The following GALNTL6 variants were observed in gnomAD, a reference collection of about 807,000 sequenced individuals.
The protein encoded by GALNTL6 is polypeptide N-acetylgalactosaminyltransferase like 6, also known as polypeptide N-acetylgalactosaminyltransferase-like 6.
GALNTL6 carries 46 observed loss-of-function variants against 73.7 expected under a neutral mutation model. The ratio of observed to expected loss-of-function variants is 0.62; its 90% confidence interval spans 0.49 to 0.80. GALNTL6 has a LOEUF of 0.80. Among genes scored for constraint, GALNTL6 ranks in the 30% least tolerant of loss-of-function variants. The pLI is 0.00. For synonymous variants in GALNTL6, 259 were observed against 263.7 expected, an observed-to-expected ratio of 0.98 and a Z score of 0.17; for missense variants, 604 against 755.0, an observed-to-expected ratio of 0.80 and a Z score of 2.34.
At chr4:171,818,560 G>T (rs1734588126) in intron 2 of GALNTL6, among the ~76,000 whole-genome samples, 1 of 144,570 alleles carries the variant, frequency 6.9e-6, no homozygotes, top group Admixed American at 7.0e-5. Flanking sequence ...TATTGTCCTA[G>T]ATTTTCTACC....
intron 2 of GALNTL6, among the ~76,000 whole-genome samples, chr4:171,865,244 G>C (rs956341507): frequency 6.6e-6 from 1 of 152,140 alleles, no homozygotes; most frequent in African/African-American, 2.4e-5. Context: ...GTTTCTATGA[G>C]TCAAGAAATG....
chr4:172,612,167 A>T, intron 5 of GALNTL6, among the ~76,000 whole-genome samples: 1 of 152,084 alleles, frequency 6.6e-6, no homozygotes. Context: ...GGAAGATAGC[A>T]GGAAGAATTT....
At chr4:171,986,715 T>G (rs1740103076) in intron 2 of GALNTL6, among the ~76,000 whole-genome samples, 1 of 152,204 alleles carries the variant, frequency 6.6e-6, no homozygotes. Flanking sequence ...GGTGATGGCC[T>G]GGATACCGTT....
At chr4:172,424,297 C>T (rs1338895037) in intron 5 of GALNTL6, among the ~76,000 whole-genome samples, 4 of 151,960 alleles carry the variant, frequency 2.6e-5, no homozygotes, top group African/African-American at 9.7e-5. Flanking sequence ...TTTTACATAT[C>T]ATGAGACTTT....
intron 2 of GALNTL6, among the ~76,000 whole-genome samples, chr4:172,045,387 A>C (rs1246634601): frequency 6.6e-6 from 1 of 152,076 alleles, no homozygotes; most frequent in African/African-American, 2.4e-5. Context: ...TTATATATTT[A>C]AAAATCAATA....
At chr4:172,852,670 G>A (rs571617043) in intron 7 of GALNTL6, among the ~76,000 whole-genome samples, 7 of 152,132 alleles carry the variant, frequency 4.6e-5, no homozygotes, top group South Asian at 4.2e-4. Context: ...ACTGTTTTCC[G>A]GAAAGGCAAG....
At chr4:172,606,411 G>A (rs1485487932) in intron 5 of GALNTL6, among the ~76,000 whole-genome samples, 3 of 148,220 alleles carry the variant, frequency 2.0e-5, no homozygotes, top group South Asian at 2.1e-4. Flanking sequence ...CCAAAATCGC[G>A]CCATTGCATT....
Position 172,813,688 on chromosome 4 carries a change from A to G in GALNTL6, c.888A>G (p.Pro296=). ...ACTACAAAAGAATCCCCATCCCTCCAGAGCTCCAGAGGGCAGATCCCAGCG... is the reference window on the plus strand; with the variant it reads ...ACTACAAAAGAATCCCCATCCCTCCGGAGCTCCAGAGGGCAGATCCCAGCG... ...EMYYKRIPIP[P]ELQRADPSDP... The change falls in exon 7 of 13, where the codon CCA becomes CCG. Residue 296 remains proline (P), a synonymous_variant. Transcript: ENST00000506823. The G allele has an allele frequency of 1.2e-6, 2 of 1,611,124 alleles. No homozygotes were observed. Among genetic ancestry groups the G allele is most frequent in the Non-Finnish European group, 1.7e-6 (2 of 1,177,742 alleles).
chr4:172,531,887 C>G (rs1217104807), intron 5 of GALNTL6, among the ~76,000 whole-genome samples: 1 of 152,188 alleles, frequency 6.6e-6, no homozygotes, highest in Non-Finnish European at 1.5e-5. Flanking sequence ...AGGTGCCCCA[C>G]GCATGGTCCA....
intron 8 of GALNTL6, among the ~76,000 whole-genome samples, chr4:172,923,453 C>A (rs975107654): frequency 4.6e-5 from 7 of 152,018 alleles, no homozygotes; most frequent in Admixed American, 3.9e-4. Context: ...GTGGGAGCTA[C>A]AATTCAAGAT....
intron 2 of GALNTL6, among the ~76,000 whole-genome samples, chr4:172,186,402 GC>G (rs1224496814): frequency 6.6e-6 from 1 of 152,072 alleles, no homozygotes; most frequent in African/African-American, 2.4e-5. Context: ...TTACCATATG[GC>G]CCAGGAATTT....
intron 10 of GALNTL6, among the ~76,000 whole-genome samples, chr4:172,961,185 T>C (rs1329226731): frequency 8.7e-6 from 1 of 114,548 alleles, no homozygotes; most frequent in African/African-American, 3.6e-5. Context: ...GGGTGGGGGG[T>C]GCTTGCCCTC....
chr4:171,996,220 T>A (rs1740479435), intron 2 of GALNTL6, among the ~76,000 whole-genome samples: 1 of 152,300 alleles, frequency 6.6e-6, no homozygotes, highest in South Asian at 2.1e-4. Context: ...ATTTGGTATA[T>A]GGAAAATTCT....
At chr4:172,302,793 T>A (rs1167825056) in intron 3 of GALNTL6, among the ~76,000 whole-genome samples, 1 of 152,136 alleles carries the variant, frequency 6.6e-6, no homozygotes, top group Non-Finnish European at 1.5e-5. Flanking sequence ...AATTTCTTCT[T>A]GTTAATCTTG....
intron 5 of GALNTL6, among the ~76,000 whole-genome samples, chr4:172,493,496 G>A (rs974819290): frequency 2.0e-5 from 3 of 152,116 alleles, no homozygotes; most frequent in South Asian, 2.1e-4. Context: ...TTACAGATTC[G>A]TTTCCTGAAC....
intron 10 of GALNTL6, among the ~76,000 whole-genome samples, chr4:172,964,324 A>C (rs1226280059): frequency 2.0e-5 from 3 of 152,200 alleles, no homozygotes; most frequent in Admixed American, 2.0e-4. Context: ...GCAGAATTCT[A>C]AATATCATGT....
intron 5 of GALNTL6, among the ~76,000 whole-genome samples, chr4:172,727,395 A>C (rs1160044198): frequency 1.3e-5 from 2 of 152,262 alleles, no homozygotes; most frequent in Non-Finnish European, 2.9e-5. Context: ...AATTCAGTAA[A>C]TAATCATAGA....
At chr4:171,850,801 T>A (rs1735503780) in intron 2 of GALNTL6, among the ~76,000 whole-genome samples, 1 of 152,128 alleles carries the variant, frequency 6.6e-6, no homozygotes. Flanking sequence ...TTTCTGGGGT[T>A]CCCTTGGCCA....
rs540180638 is a variant in GALNTL6 at position 171,851,195 on chromosome 4, T to A, written c.138+36477T>A. On this transcript the variant is annotated intron_variant, in intron 2 of 12. Coordinates refer to ENST00000506823, the MANE Select transcript of GALNTL6 (RefSeq NM_001034845.3). ...AGTATTTTAAATTATAGAACTAAGT[T>A]CATACTCTGCTTTACTTTTCCATCT... Among the ~76,000 whole-genome samples the A allele has an allele frequency of 2.6e-5, 4 of 152,332 alleles. No individual in the cohort carries two copies. The South Asian group carries it at 8.3e-4, about 32-fold the overall frequency.
Sources: allele counts gnomAD v4.1 joint callset (sites outside exome capture counted in the v4.1 genomes callset), GRCh38; gene constraint gnomAD v4.1.1; transcripts MANE v1.5; gene names NCBI Gene and HGNC (gene_info 2026-07-23, HGNC 2026-07-21).